SMG1: variants seen among roughly 807,000 people sequenced by gnomAD.
SMG1 encodes the protein serine/threonine-protein kinase SMG1.
SMG1 carries 22 observed loss-of-function variants against 419.9 expected under a neutral mutation model. The ratio of observed to expected loss-of-function variants is 0.05; its 90% confidence interval spans 0.04 to 0.07. The LOEUF (loss-of-function observed/expected upper bound fraction) is 0.07, where lower values mean the gene tolerates loss of function less well. Ranked by LOEUF, SMG1 falls within the 10% of genes least tolerant of loss-of-function variation. The pLI, the probability that SMG1 is intolerant of heterozygous loss-of-function variation, is 1.00. For synonymous variants in SMG1, 1,538 were observed against 1,553.5 expected (o/e 0.99, Z 0.23); for missense variants, 3,185 against 4,342.0 (o/e 0.73, Z 7.49).
At chr16:18,827,596 TA>T (rs1298927479) in intron 55 of SMG1, among the ~76,000 whole-genome samples, 1 of 143,058 alleles carries the variant, frequency 7.0e-6, no homozygotes, top group Non-Finnish European at 1.5e-5. Context: ...TTTTTAGATA[TA>T]TTTGGTATAA....
At chr16:18,874,666 G>C (rs919220408) in intron 13 of SMG1, among the ~76,000 whole-genome samples, 2 of 145,526 alleles carry the variant, frequency 1.4e-5, no homozygotes, top group Non-Finnish European at 3.0e-5. Context: ...AGGAGTTTGA[G>C]ACCAGCCTGG....
chr16:18,829,298 A>C lies in SMG1; in HGVS notation c.9591T>G (p.Ile3197Met). ...CAAAAACACTTACCTGAAACATGGCAATATGCAGCTGAACCCGCTGCAGGC... is the reference window on the plus strand; with the variant it reads ...CAAAAACACTTACCTGAAACATGGCCATATGCAGCTGAACCCGCTGCAGGC... Reference protein sequence around the residue: ...KTSLQRVQLHIAMFQWQHEDL... With the variant: ...KTSLQRVQLHMAMFQWQHEDL... The change falls in exon 54 of 63, where the codon ATT (isoleucine) becomes ATG (methionine). Residue 3197 changes from isoleucine to methionine, a missense_variant. Ile to Met is a conservative substitution (Grantham distance 10). This residue lies in a region of SMG1 where 737 missense variants were observed against 846.6 expected (regional missense o/e 0.87). Transcript: ENST00000446231. 1 of 1,611,520 alleles carries C rather than the reference A, an allele frequency of 6.2e-7. No homozygotes were observed. The highest frequency in any genetic ancestry group is 8.5e-7 in the Non-Finnish European group (1 of 1,177,936).
At chr16:18,873,370 T>C (rs976425637) in intron 13 of SMG1, among the ~76,000 whole-genome samples, 5 of 151,976 alleles carry the variant, frequency 3.3e-5, no homozygotes, top group African/African-American at 1.2e-4. Context: ...CAGGCGCCCA[T>C]CACCATGCCC....
At position 18,845,521 on chromosome 16, in the gene SMG1, T is replaced by C. The variant is rs375888985; in HGVS notation, c.6127A>G (p.Asn2043Asp). The change falls in exon 39 of 63, where the codon AAC (asparagine) becomes GAC (aspartate). Residue 2043 changes from asparagine to aspartate, a missense_variant. Transcript: ENST00000446231. ...GCATTTTCAATGGCATCACCATAGT[T>C]ATCCTGAAACCATTTTTCATGAGGT... ...ETPHEKWFQD[N>D]YGDAIENALE... is the part of the protein sequence containing the mutation. The C allele has an allele frequency of 8.1e-6, 13 of 1,613,996 alleles. No individual in the cohort carries two copies. The highest frequency in any genetic ancestry group is 1.1e-5 in the Non-Finnish European group (13 of 1,179,884).
intron 21 of SMG1, 69 bp from the exon 22 acceptor site, chr16:18,868,423 T>C (rs1185398117): frequency 7.2e-7 from 1 of 1,380,650 alleles, no homozygotes; most frequent in Admixed American, 2.0e-5. Flanking sequence ...CACCTATATA[T>C]AAACCAAATA....
In SMG1 at chr16:18,868,733, C is replaced by A; in HGVS notation, c.2834-14G>T. ...TTCGAATGATACCTGAAAGCAAAGACAACATTCTGAATTTTTAAAAATCTT... is the reference window on the plus strand; with the variant it reads ...TTCGAATGATACCTGAAAGCAAAGAAAACATTCTGAATTTTTAAAAATCTT... On this transcript the variant is annotated splice_polypyrimidine_tract_variant and intron_variant, in intron 20 of 62. Coordinates refer to ENST00000446231, the MANE Select transcript of SMG1 (RefSeq NM_015092.5). The A allele has an allele frequency of 1.1e-6, 1 of 938,082 alleles. No individual in the cohort carries two copies. 58.1% of individuals were successfully genotyped at this position (938,082 alleles called of 1,614,324 possible). A position where few individuals can be genotyped will look rare whatever the true frequency, so the allele number is the denominator to read the frequency against.
chr16:18,924,851 T>G (rs568175109), intron 1 of SMG1: 1 of 152,206 alleles, frequency 6.6e-6, no homozygotes, highest in Non-Finnish European at 1.5e-5. Flanking sequence ...AATGTTACAT[T>G]CTAACATCTT....
intron 25 of SMG1, among the ~76,000 whole-genome samples, chr16:18,863,228 A>G (rs2035305209): frequency 6.6e-6 from 1 of 152,246 alleles, no homozygotes; most frequent in East Asian, 1.9e-4. Flanking sequence ...GAATAAAAGC[A>G]CAGAGGAATG....
intron 38 of SMG1, among the ~76,000 whole-genome samples, chr16:18,846,806 T>C (rs1466578630): frequency 6.6e-6 from 1 of 152,116 alleles, no homozygotes; most frequent in Admixed American, 6.6e-5. Flanking sequence ...TGTGGAAAAG[T>C]TTGTTGGCTC....
At position 18,907,845 on chromosome 16, in the gene SMG1, CAAAAAAAAAAA is replaced by C. The variant is rs71141092; in HGVS notation, c.93-10900_93-10890del. 8.7e-4 allele frequency among the ~76,000 whole-genome samples: 48 copies of C among 54,974 alleles called. No individual in the cohort carries two copies. The Middle Eastern group carries it at 0.035, about 40-fold the overall frequency. 36.1% of individuals were successfully genotyped at this position (54,974 alleles called of 152,430 possible). On this transcript the variant is annotated intron_variant, in intron 1 of 62. Coordinates refer to ENST00000446231, the MANE Select transcript of SMG1 (RefSeq NM_015092.5). Reference sequence around the variant, plus strand: ...CCCACCTAGGCGACAGAACGAGACTCAAAAAAAAAAAAAAAAAAAAAAAAGAGACCCTACTT... The same window carrying C: ...CCCACCTAGGCGACAGAACGAGACTCAAAAAAAAAAAAAGAGACCCTACTT...
chr16:18,892,104 G>C, intron 4 of SMG1, 114 bp downstream of exon 4: 1 of 804,730 alleles, frequency 1.2e-6, no homozygotes, highest in South Asian at 1.5e-5. Flanking sequence ...AGAGCATTAA[G>C]TTCTCGATCA....
intron 35 of SMG1, 23 bp from the exon 36 acceptor site, chr16:18,849,401 G>T (rs1231491788): frequency 6.9e-6 from 11 of 1,596,812 alleles, no homozygotes; most frequent in Non-Finnish European, 7.7e-6. Context: ...AAGAGAGAAA[G>T]ACACTTTAAA....
chr16:18,903,925 ATGTCT>A (rs1295658676), intron 1 of SMG1, among the ~76,000 whole-genome samples: 43 of 134,064 alleles, frequency 3.2e-4, no homozygotes, highest in African/African-American at 1.0e-3. Flanking sequence ...TTTCCAAGGT[ATGTCT>A]TGTCTTTTTT....
At chr16:18,834,786 A>G in intron 49 of SMG1, 106 bp downstream of exon 49, 1 of 1,209,728 alleles carries the variant, frequency 8.3e-7, no homozygotes, top group South Asian at 1.5e-5. Flanking sequence ...AAAGCAAGTA[A>G]GCAGCTGTAA....
intron 30 of SMG1, among the ~76,000 whole-genome samples, chr16:18,854,447 T>C (rs1247599465): frequency 3.9e-5 from 6 of 152,198 alleles, no homozygotes; most frequent in Non-Finnish European, 8.8e-5. Context: ...TACTTCTTAC[T>C]GTAATACATT....
chr16:18,829,646 A>G lies in SMG1; in HGVS notation c.9243T>C (p.Pro3081=), dbSNP rs766754197. 8.1e-6 allele frequency: 13 copies of G among 1,613,914 alleles called. No individual in the cohort carries two copies. Among genetic ancestry groups the G allele is most frequent in the African/African-American group, 1.3e-5 (1 of 74,938 alleles). ...SCFSEDQMAK[P]IKAFTADFVR... is the part of the protein sequence containing the mutation. ...CAAAGTCAGCTGTGAATGCCTTGAT[A>G]GGTTTGGCCATTTGGTCTTCACTGA... is the stretch of plus-strand genomic sequence containing the variant. The change falls in exon 54 of 63, where the codon CCT becomes CCC. Residue 3081 remains proline (P), a synonymous_variant. Transcript: ENST00000446231.
rs545133702 is a variant in SMG1 at position 18,863,637 on chromosome 16, A to C, written c.3695+13T>G. On this transcript the variant is annotated intron_variant, in intron 25 of 62. Transcript: ENST00000446231. ...TGGAAATTTGTTTTATAACTGGAAA[A>C]AGTAAGCCTTACTTTATATAGTTGA... 2.3e-5 allele frequency: 36 copies of C among 1,593,044 alleles called. No individual in the cohort carries two copies. The African/African-American group carries it at 3.6e-4, about 16-fold the overall frequency.
chr16:18,815,511 T>A lies in SMG1; in HGVS notation c.10443A>T (p.Arg3481=). The change falls in exon 59 of 63, where the codon CGA becomes CGT. Residue 3481 remains arginine, a synonymous_variant. Transcript: ENST00000446231. ...GGAGCATTTCAACGTGTTCTTGACT[T>A]CGAACCTGACCCATAGCCTGGACTA... is the stretch of plus-strand genomic sequence containing the variant. ...FTLVQAMGQV[R]SQEHVEMLQE... The A allele has an allele frequency of 2.5e-6, 4 of 1,614,010 alleles. No individual in the cohort carries two copies. The highest frequency in any genetic ancestry group is 2.5e-6 in the Non-Finnish European group (3 of 1,179,884).
chr16:18,926,213 G>A lies in SMG1; in HGVS notation c.-172C>T. ...GGAGGCGGCGGAGGGCGGGGGAAGA[G>A]GACGGCCGTTCCGGGTTCCGCCTGA... On this transcript the variant is annotated 5_prime_UTR_variant, in exon 1 of 63. Coordinates refer to ENST00000446231, the MANE Select transcript of SMG1 (RefSeq NM_015092.5). 1 of 599,374 alleles carries A rather than the reference G, an allele frequency of 1.7e-6. No individual in the cohort carries two copies. The highest frequency in any genetic ancestry group is 2.8e-6 in the Non-Finnish European group (1 of 356,502). The allele number at this position is 599,374 out of a possible 1,614,324, so 37.1% of individuals were successfully genotyped here.
Sources: allele counts gnomAD v4.1 joint callset (sites outside exome capture counted in the v4.1 genomes callset), GRCh38; gene constraint gnomAD v4.1.1; regional missense constraint gnomAD v4.1.1; transcripts MANE v1.5; gene names NCBI Gene and HGNC (gene_info 2026-07-23, HGNC 2026-07-21).